KCNQ1: variants seen among roughly 807,000 people sequenced by gnomAD.
KCNQ1 encodes the protein potassium voltage-gated channel subfamily Q member 1.
A neutral mutation model predicts 72.4 loss-of-function variants in KCNQ1; 49 were observed. That is an observed-to-expected ratio of 0.68 (90% CI 0.54 to 0.86). KCNQ1 has a LOEUF of 0.86. KCNQ1 is among the 40% of genes least tolerant of loss of function. The probability of loss-of-function intolerance (pLI) is 0.00; values close to 1 mark genes in which losing one functional copy is unlikely to be tolerated. For missense variants in KCNQ1, 790 were observed against 945.1 expected (o/e 0.84, Z 2.15); for synonymous variants, 450 against 412.6 (o/e 1.09, Z -1.10).
At chr11:2,586,841 G>A (rs551108417) in intron 8 of KCNQ1, among the ~76,000 whole-genome samples, 115 of 152,238 alleles carry the variant, frequency 7.6e-4, no homozygotes, top group African/African-American at 2.6e-3. Context: ...TGTGGCCAGT[G>A]ATGACAAGGC....
chr11:2,455,273 A>AT (rs774728589), intron 1 of KCNQ1, among the ~76,000 whole-genome samples: 1 of 151,810 alleles, frequency 6.6e-6, no homozygotes, highest in Non-Finnish European at 1.5e-5. Flanking sequence ...AATTTTTTGT[A>AT]TTTTTTAGTA....
At chr11:2,558,613 G>A (rs1426200774) in intron 2 of KCNQ1, among the ~76,000 whole-genome samples, 16 of 152,222 alleles carry the variant, frequency 1.1e-4, no homozygotes, top group Admixed American at 1.0e-3. Flanking sequence ...GGTGGGGGAG[G>A]AAGTGGGCCG....
intron 11 of KCNQ1, among the ~76,000 whole-genome samples, chr11:2,707,207 A>C (rs867343681): frequency 6.6e-6 from 1 of 152,312 alleles, no homozygotes; most frequent in Middle Eastern, 3.4e-3. Flanking sequence ...GTGGATGAGA[A>C]GTAGCACCAA....
rs1181054992 is a variant in KCNQ1, at chr11:2,676,552, T to G, written c.1514+14471T>G. 1.5e-5 allele frequency: 6 copies of G among 398,538 alleles called. No homozygotes were observed. The highest frequency in any genetic ancestry group is 2.7e-5 in the Non-Finnish European group (6 of 226,082). The allele number at this position is 398,538 out of a possible 1,614,324, so 24.7% of individuals were successfully genotyped here. Reference sequence around the variant, plus strand: ...TAGAGGTAGTGGTACAGGAAAGGTCTAAGAAGGCTAAGGACCATCATACTG... The same window carrying G: ...TAGAGGTAGTGGTACAGGAAAGGTCGAAGAAGGCTAAGGACCATCATACTG... On this transcript the variant is annotated intron_variant, in intron 11 of 15. Transcript: ENST00000155840. This position sits in a 1 kb window ranked among gnomAD's most constrained non-coding sequence, Gnocchi z 4.2.
chr11:2,660,412 T>C (rs1849931171), intron 10 of KCNQ1: 1 of 398,500 alleles, frequency 2.5e-6, no homozygotes, highest in Non-Finnish European at 4.4e-6. Context: ...AAAAGATGTA[T>C]CACTTTAAAA....
intron 11 of KCNQ1, chr11:2,672,502 G>C (rs415020): frequency 2.5e-6 from 1 of 398,688 alleles, no homozygotes. Flanking sequence ...GTGCCTAGGA[G>C]CTCTGTGCTC....
intron 1 of KCNQ1, among the ~76,000 whole-genome samples, chr11:2,506,831 G>A (rs1847112834): frequency 6.6e-6 from 1 of 152,192 alleles, no homozygotes; most frequent in Non-Finnish European, 1.5e-5. Flanking sequence ...CATTGAATTT[G>A]AATGTTTTCC....
Position 2,468,480 on chromosome 11 carries a change from A to G in KCNQ1, c.386+22996A>G, listed in dbSNP as rs1272053611. Among the ~76,000 whole-genome samples the G allele has an allele frequency of 6.6e-6, 1 of 151,978 alleles. No homozygotes were observed. Among genetic ancestry groups the G allele is most frequent in the African/African-American group, 2.4e-5 (1 of 41,370 alleles). On this transcript the variant is annotated intron_variant, in intron 1 of 15. Transcript: ENST00000155840. The surrounding 1 kb of genome is among the most constrained non-coding windows in gnomAD (Gnocchi z 5.7). ...CGGAGGCGTGCTTGGCATACGGTAA[A>G]CTGCCCCAGTTTAAAGCAGACAGTT...
At chr11:2,740,012 C>A (rs142845681) in intron 11 of KCNQ1, among the ~76,000 whole-genome samples, 1 of 152,234 alleles carries the variant, frequency 6.6e-6, no homozygotes, top group South Asian at 2.1e-4. Context: ...TGGAGCTGTG[C>A]GGAGCTGGCC....
intron 11 of KCNQ1, among the ~76,000 whole-genome samples, chr11:2,740,575 G>T (rs564499809): frequency 6.6e-6 from 1 of 152,324 alleles, no homozygotes; most frequent in East Asian, 1.9e-4. Context: ...CTGGAGCCAG[G>T]GTCTCTGGAG....
rs1165339745 is a variant in KCNQ1, at chr11:2,473,843, G to A, written c.386+28359G>A. On this transcript the variant is annotated intron_variant, in intron 1 of 15. Coordinates refer to ENST00000155840, the MANE Select transcript of KCNQ1 (RefSeq NM_000218.3). The surrounding 1 kb of genome is among the most constrained non-coding windows in gnomAD (Gnocchi z 6.0). ...ATTGCTCAGTGGCACCAGCTGGGCA[G>A]ACAGCCGCATGCGCTCACCACTCGC... Among the ~76,000 whole-genome samples the A allele has an allele frequency of 6.6e-6, 1 of 152,242 alleles. No homozygotes were observed. Among genetic ancestry groups the A allele is most frequent in the South Asian group, 2.1e-4 (1 of 4,838 alleles).
Position 2,648,151 on chromosome 11 carries a change from G to A in KCNQ1, c.1394-13810G>A, listed in dbSNP as rs1849695736. The A allele has an allele frequency of 3.2e-5, 8 of 247,722 alleles. No homozygotes were observed. In the East Asian group the frequency reaches 5.1e-4, roughly 16 times the overall value. 15.3% of individuals were successfully genotyped at this position (247,722 alleles called of 1,614,324 possible). A position where few individuals can be genotyped will look rare whatever the true frequency, so the allele number is the denominator to read the frequency against. On this transcript the variant is annotated intron_variant, in intron 10 of 15. Coordinates refer to ENST00000155840, the MANE Select transcript of KCNQ1 (RefSeq NM_000218.3). ...GCCCAGGAAGCAGAGGTTACAGTGA[G>A]CCAAGATCACACCACTGCGCTCTAG...
chr11:2,838,205 A>T (rs1340052113), intron 15 of KCNQ1, among the ~76,000 whole-genome samples: 1 of 152,244 alleles, frequency 6.6e-6, no homozygotes, highest in East Asian at 1.9e-4. Flanking sequence ...AGGAAGCCAG[A>T]CTGACCTCAC....
chr11:2,690,304 T>C lies in KCNQ1; in HGVS notation c.1514+28223T>C, dbSNP rs1288110936. On this transcript the variant is annotated intron_variant, in intron 11 of 15. Coordinates refer to ENST00000155840, the MANE Select transcript of KCNQ1 (RefSeq NM_000218.3). The surrounding 1 kb of genome is among the most constrained non-coding windows in gnomAD (Gnocchi z 5.1). ...GTGTAGTGTCTTCCTCCCTGTAGGA[T>C]TGTCACAAGGATTAAATGATGTCAA... 2.5e-6 allele frequency: 1 copy of C among 398,520 alleles called. No homozygotes were observed. The highest frequency in any genetic ancestry group is 2.1e-5 in the African/African-American group (1 of 48,622). The allele number at this position is 398,520 out of a possible 1,614,324, so 24.7% of individuals were successfully genotyped here.
Position 2,769,446 on chromosome 11 carries a change from C to A in KCNQ1, c.1590+527C>A, listed in dbSNP as rs1590077037. On this transcript the variant is annotated intron_variant, in intron 12 of 15. Transcript: ENST00000155840. This position sits in a 1 kb window ranked among gnomAD's most constrained non-coding sequence, Gnocchi z 4.6. ...TCTGTAAGAGGTGGGGTCCCCTTGGCCAGGTGAGGCTGGAGCTCCAGGGCT... is the reference window on the plus strand; with the variant it reads ...TCTGTAAGAGGTGGGGTCCCCTTGGACAGGTGAGGCTGGAGCTCCAGGGCT... Among the ~76,000 whole-genome samples, 1 of 152,166 alleles carries A rather than the reference C, an allele frequency of 6.6e-6. No homozygotes were observed. The highest frequency in any genetic ancestry group is 1.9e-4 in the East Asian group (1 of 5,168).
intron 15 of KCNQ1, among the ~76,000 whole-genome samples, chr11:2,807,649 C>T (rs896070425): frequency 4.6e-5 from 7 of 152,148 alleles, no homozygotes; most frequent in Non-Finnish European, 8.8e-5. Context: ...TGGGCACAGG[C>T]GGGCGAGGGG....
intron 2 of KCNQ1, among the ~76,000 whole-genome samples, chr11:2,554,440 T>A (rs1281558712): frequency 6.6e-6 from 1 of 152,228 alleles, no homozygotes; most frequent in East Asian, 1.9e-4. Flanking sequence ...GACCATGTTG[T>A]GCTGACATGT....
At chr11:2,839,811 G>A (rs754371536) in intron 15 of KCNQ1, 6 of 152,222 alleles carry the variant, frequency 3.9e-5, no homozygotes, top group Non-Finnish European at 7.4e-5. Flanking sequence ...AGGTCACCTG[G>A]GAGAGGTGTG....
rs534755184 is a variant in KCNQ1, at chr11:2,752,258, G to T, written c.1515-16586G>T. Among the ~76,000 whole-genome samples, 1 of 151,480 alleles carries T rather than the reference G, an allele frequency of 6.6e-6. No individual in the cohort carries two copies. Among genetic ancestry groups the T allele is most frequent in the Admixed American group, 6.5e-5 (1 of 15,270 alleles). On this transcript the variant is annotated intron_variant, in intron 11 of 15. Transcript: ENST00000155840. The surrounding 1 kb of genome is among the most constrained non-coding windows in gnomAD (Gnocchi z 5.2). Reference sequence around the variant, plus strand: ...CAGGTGATCTGAACCCAGCTGAGTGGCTTCCATGGAGCTGATCTGAACCCA... The same window carrying T: ...CAGGTGATCTGAACCCAGCTGAGTGTCTTCCATGGAGCTGATCTGAACCCA...
Sources: gnomAD v4.1 joint callset for allele counts (sites outside exome capture counted in the v4.1 genomes callset) on GRCh38, gnomAD v4.1.1 for gene constraint, Gnocchi (gnomAD v3.1) non-coding constraint, MANE v1.5 for transcripts, NCBI Gene and HGNC (gene_info 2026-07-23, HGNC 2026-07-21) for gene names.